ASS1: variants seen among roughly 807,000 people sequenced by gnomAD.
ASS1 encodes argininosuccinate synthase.
In ASS1, 58 loss-of-function variants were observed where a neutral mutation model predicts 60.5. That is an observed-to-expected ratio of 0.96 (90% CI 0.78 to 1.19). The LOEUF (loss-of-function observed/expected upper bound fraction) is 1.19. Ranked by LOEUF, ASS1 falls within the 50% of genes most tolerant of loss-of-function variation. ASS1 has a pLI of 0.00. For synonymous variants in ASS1, 200 were observed against 206.9 expected, an observed-to-expected ratio of 0.97 and a Z score of 0.29; for missense variants, 454 against 547.3, an observed-to-expected ratio of 0.83 and a Z score of 1.70.
At chr9:130,474,366 A>G (rs1338067500) in intron 8 of ASS1, among the ~76,000 whole-genome samples, 2 of 152,076 alleles carry the variant, frequency 1.3e-5, no homozygotes, top group African/African-American at 2.4e-5. Context: ...AAATGCACAC[A>G]CTGTCAGCCT....
In ASS1 at chr9:130,473,595, G is replaced by A. The variant is rs946416544; in HGVS notation, c.597+2080G>A. 3.3e-5 allele frequency among the ~76,000 whole-genome samples: 5 copies of A among 152,192 alleles called. No homozygotes were observed. In the South Asian group the frequency reaches 6.2e-4, roughly 19 times the overall value. On this transcript the variant is annotated intron_variant, in intron 8 of 14. Transcript: ENST00000352480. ...CTTTGTGCTGAGGGTGGGGCTCAAC[G>A]TCAGGACGCACCCTTGCATCCCTGG...
At position 130,477,081 on chromosome 9, in the gene ASS1, G is replaced by T; in HGVS notation, c.688+120G>T. On this transcript the variant is annotated intron_variant, in intron 9 of 14. Transcript: ENST00000352480. This position sits in a 1 kb window ranked among gnomAD's most constrained non-coding sequence, Gnocchi z 4.2. ...CCGCCCTGCATTCCTGGAAGCTAGA[G>T]TTCAGGCAGGGGCTTCAAGGTAACG... is the stretch of plus-strand genomic sequence containing the variant. 1 of 1,073,698 alleles carries T rather than the reference G, an allele frequency of 9.3e-7. No individual in the cohort carries two copies. The allele number at this position is 1,073,698 out of a possible 1,614,324, so 66.5% of individuals were successfully genotyped here.
chr9:130,464,812 T>C (rs1351778270), intron 5 of ASS1, among the ~76,000 whole-genome samples: 2 of 151,766 alleles, frequency 1.3e-5, no homozygotes, highest in South Asian at 2.1e-4. Flanking sequence ...CATGCATGAA[T>C]GATGGACACG....
rs1476906282 is a variant in ASS1, at chr9:130,470,111, C to T, written c.496-723C>T. Among the ~76,000 whole-genome samples, 1 of 152,056 alleles carries T rather than the reference C, an allele frequency of 6.6e-6. No homozygotes were observed. The highest frequency in any genetic ancestry group is 1.5e-5 in the Non-Finnish European group (1 of 68,024). ...TGCGGGTCCCCAGGGCGACAAGCCT[C>T]ATCTTCTTCCTCCTCTTAAGGCTGA... is the stretch of plus-strand genomic sequence containing the variant. On this transcript the variant is annotated intron_variant, in intron 6 of 14. Coordinates refer to ENST00000352480, the MANE Select transcript of ASS1 (RefSeq NM_054012.4). This position sits in a 1 kb window ranked among gnomAD's most constrained non-coding sequence, Gnocchi z 4.3.
At chr9:130,466,324 G>T in intron 5 of ASS1, 2 of 274,526 alleles carry the variant, frequency 7.3e-6, no homozygotes, top group South Asian at 8.6e-5. Flanking sequence ...CCGACCACAC[G>T]TGGGGCCAGG....
At chr9:130,456,415 GA>G (rs1845451359) in intron 3 of ASS1, among the ~76,000 whole-genome samples, 1 of 151,622 alleles carries the variant, frequency 6.6e-6, no homozygotes, top group Admixed American at 6.6e-5. Context: ...GCAGTAAGCT[GA>G]AATCACACCA....
chr9:130,501,214 GC>G lies in ASS1; in HGVS notation c.*194del. ...TTGTCATCGAAGGGAAGGGTGGGGG[GC>G]AGCTGCGGTGGGGAGCTATAAAAAT... On this transcript the variant is annotated 3_prime_UTR_variant, in exon 15 of 15. Transcript: ENST00000352480. 1.6e-6 allele frequency: 1 copy of G among 633,486 alleles called. No homozygotes were observed. Among genetic ancestry groups the G allele is most frequent in the Non-Finnish European group, 2.8e-6 (1 of 358,778 alleles). The allele number at this position is 633,486 out of a possible 1,614,324, so 39.2% of individuals were successfully genotyped here.
intron 11 of ASS1, among the ~76,000 whole-genome samples, chr9:130,484,626 C>G (rs1307708918): frequency 6.6e-6 from 1 of 152,126 alleles, no homozygotes; most frequent in Non-Finnish European, 1.5e-5. Context: ...AGAGGCTCAG[C>G]TGTCATTTCC....
intron 1 of ASS1, among the ~76,000 whole-genome samples, chr9:130,447,344 C>A (rs919522278): frequency 6.6e-6 from 1 of 152,268 alleles, no homozygotes; most frequent in Non-Finnish European, 1.5e-5. Flanking sequence ...TAATGGCAGT[C>A]TCCACCTTGA....
chr9:130,473,274 A>C (rs966569735), intron 8 of ASS1, among the ~76,000 whole-genome samples: 5 of 151,640 alleles, frequency 3.3e-5, no homozygotes, highest in Non-Finnish European at 7.4e-5. Flanking sequence ...AAAACACAGC[A>C]CCTCCCTCCT....
chr9:130,446,188 G>A (rs1332261937), intron 1 of ASS1, among the ~76,000 whole-genome samples: 2 of 152,166 alleles, frequency 1.3e-5, no homozygotes, highest in Non-Finnish European at 2.9e-5. Flanking sequence ...GCTGGCTGGG[G>A]CTGAGGGCTC....
chr9:130,484,725 T>C (rs1381386979), intron 11 of ASS1, among the ~76,000 whole-genome samples: 1 of 151,840 alleles, frequency 6.6e-6, no homozygotes, highest in Non-Finnish European at 1.5e-5. Flanking sequence ...CACTGTTTTT[T>C]TTTTCCAGAA....
At chr9:130,453,346 T>C (rs1845367758) in intron 2 of ASS1, among the ~76,000 whole-genome samples, 1 of 152,268 alleles carries the variant, frequency 6.6e-6, no homozygotes, top group African/African-American at 2.4e-5. Flanking sequence ...AGCCTGGGTC[T>C]CTGGACAGAC....
Position 130,483,269 on chromosome 9 carries a change from G to C in ASS1, c.838+2820G>C, listed in dbSNP as rs10901080. Among the ~76,000 whole-genome samples the C allele has an allele frequency of 1.4e-4, 21 of 151,096 alleles. No homozygotes were observed. The East Asian group carries it at 3.9e-3, about 28-fold the overall frequency. On this transcript the variant is annotated intron_variant, in intron 11 of 14. Transcript: ENST00000352480. ...AGAAAGATGCTATTGTCCGTATCTC[G>C]GTGTACAAGGGGAACATGTCATTTG...
chr9:130,486,916 C>T (rs979967597), intron 11 of ASS1, among the ~76,000 whole-genome samples: 4 of 152,240 alleles, frequency 2.6e-5, no homozygotes, highest in African/African-American at 7.2e-5. Flanking sequence ...TTTTCTCTCA[C>T]GCTCTGGTTA....
intron 13 of ASS1, among the ~76,000 whole-genome samples, chr9:130,498,241 C>T (rs572422334): frequency 6.6e-6 from 1 of 152,236 alleles, no homozygotes; most frequent in East Asian, 1.9e-4. Flanking sequence ...ATCCTCCTGC[C>T]TCCCAACACC....
At chr9:130,484,759 C>A (rs1039016607) in intron 11 of ASS1, among the ~76,000 whole-genome samples, 4 of 151,548 alleles carry the variant, frequency 2.6e-5, no homozygotes, top group South Asian at 2.1e-4. Flanking sequence ...ATCATCTGTA[C>A]CCCCTACCCC....
At position 130,500,987 on chromosome 9, in the gene ASS1, A is replaced by G. The variant is rs1347470516; in HGVS notation, c.1205A>G (p.Tyr402Cys). ...ININSLRLKE[Y>C]HRLQSKVTAK ...AATCTGGTTTACAGGCTGAAGGAAT[A>G]TCATCGTCTCCAGAGCAAGGTCACT... Residue 402 changes from tyrosine to cysteine, a missense_variant, in exon 15 of 15, where the codon TAT becomes TGT. Tyr to Cys is a radical substitution (Grantham distance 194). Transcript: ENST00000352480. 2 of 1,613,732 alleles carry G rather than the reference A, an allele frequency of 1.2e-6. No individual in the cohort carries two copies. Among genetic ancestry groups the G allele is most frequent in the African/African-American group, 2.7e-5 (2 of 74,914 alleles).
chr9:130,474,068 C>A (rs1475167967), intron 8 of ASS1, among the ~76,000 whole-genome samples: 3 of 123,586 alleles, frequency 2.4e-5, no homozygotes, highest in Middle Eastern at 3.6e-3. Flanking sequence ...CCGCACCCCC[C>A]CCCCCCCACA....
Sources: allele counts gnomAD v4.1 joint callset (sites outside exome capture counted in the v4.1 genomes callset), GRCh38; gene constraint gnomAD v4.1.1; non-coding constraint Gnocchi (gnomAD v3.1); transcripts MANE v1.5; gene names NCBI Gene and HGNC (gene_info 2026-07-23, HGNC 2026-07-21).